Variants in OPCML observed in about 807,000 individuals in gnomAD.
OPCML encodes the protein opioid-binding protein/cell adhesion molecule.
OPCML carries 13 observed loss-of-function variants against 37.8 expected under a neutral mutation model. The observed-to-expected ratio is 0.34, with a 90% CI of 0.22 to 0.55. The LOEUF (loss-of-function observed/expected upper bound fraction) is 0.55, where lower values mean the gene tolerates loss of function less well. OPCML is among the 20% of genes least tolerant of loss of function. The probability of loss-of-function intolerance (pLI) is 0.91; values close to 1 mark genes in which losing one functional copy is unlikely to be tolerated. For synonymous variants in OPCML, 176 were observed against 168.8 expected, an observed-to-expected ratio of 1.04 and a Z score of -0.33; for missense variants, 341 against 435.6, an observed-to-expected ratio of 0.78 and a Z score of 1.93.
chr11:133,346,504 G>A (rs1381048036), intron 1 of OPCML, among the ~76,000 whole-genome samples: 1 of 152,234 alleles, frequency 6.6e-6, no homozygotes, highest in Non-Finnish European at 1.5e-5. Flanking sequence ...ATTTTGAAAT[G>A]TACCCTACTG....
intron 4 of OPCML, among the ~76,000 whole-genome samples, chr11:132,457,272 A>G (rs892266322): frequency 2.6e-5 from 4 of 152,210 alleles, no homozygotes; most frequent in Non-Finnish European, 4.4e-5. Context: ...GGCCTTGAAC[A>G]CAGTCGTAGG....
chr11:133,042,209 C>T (rs1427000761), intron 1 of OPCML, among the ~76,000 whole-genome samples: 3 of 152,216 alleles, frequency 2.0e-5, no homozygotes, highest in Admixed American at 6.5e-5. Context: ...CCGAGGGCCT[C>T]GCCCACGTGG....
At chr11:132,434,296 T>C (rs2096006425) in intron 7 of OPCML, among the ~76,000 whole-genome samples, 1 of 152,196 alleles carries the variant, frequency 6.6e-6, no homozygotes, top group African/African-American at 2.4e-5. Context: ...TCTAGAAAAT[T>C]CAAATGTCAT....
chr11:132,455,279 A>G (rs918077232), intron 4 of OPCML, among the ~76,000 whole-genome samples: 1 of 152,184 alleles, frequency 6.6e-6, no homozygotes, highest in African/African-American at 2.4e-5. Flanking sequence ...AGAGATGCCA[A>G]CTGGCTGCTT....
At chr11:132,570,147 G>A (rs2096433945) in intron 3 of OPCML, among the ~76,000 whole-genome samples, 1 of 152,106 alleles carries the variant, frequency 6.6e-6, no homozygotes, top group Admixed American at 6.6e-5. Flanking sequence ...TATGCCACAG[G>A]CCAAATCTGG....
intron 1 of OPCML, among the ~76,000 whole-genome samples, chr11:133,519,036 G>A (rs1022402460): frequency 2.6e-5 from 4 of 152,092 alleles, no homozygotes; most frequent in Non-Finnish European, 5.9e-5. Flanking sequence ...GGAACATCCT[G>A]AGGGCTCAGG....
chr11:132,497,765 G>A (rs2096236034), intron 4 of OPCML, among the ~76,000 whole-genome samples: 1 of 152,186 alleles, frequency 6.6e-6, no homozygotes, highest in South Asian at 2.1e-4. Context: ...GGCACTCAAT[G>A]TTTCAGACCA....
chr11:132,574,371 T>C (rs1290685324), intron 3 of OPCML, among the ~76,000 whole-genome samples: 1 of 151,466 alleles, frequency 6.6e-6, no homozygotes, highest in Non-Finnish European at 1.5e-5. Context: ...ATCTTCCTTC[T>C]TGTTTTTAGT....
Position 133,212,025 on chromosome 11 carries a change from C to G in OPCML, c.62-269015G>C, listed in dbSNP as rs1939381792. ...CAGCCTGATAGCAGATTGACCGTGC[C>G]AGCTGTCACTTTTACAATCTCCATC... On this transcript the variant is annotated intron_variant, in intron 1 of 7. Transcript: ENST00000524381. The surrounding 1 kb of genome is among the most constrained non-coding windows in gnomAD (Gnocchi z 4.9). Among the ~76,000 whole-genome samples the G allele has an allele frequency of 6.6e-6, 1 of 152,036 alleles. No homozygotes were observed. Among genetic ancestry groups the G allele is most frequent in the Non-Finnish European group, 1.5e-5 (1 of 68,032 alleles).
At chr11:132,960,894 C>A (rs1946078878) in intron 1 of OPCML, among the ~76,000 whole-genome samples, 1 of 152,142 alleles carries the variant, frequency 6.6e-6, no homozygotes, top group African/African-American at 2.4e-5. Context: ...AGCTGGACAA[C>A]CTTGTAACTG....
chr11:132,843,092 C>CTTTTTTTTT (rs56036372), intron 2 of OPCML, among the ~76,000 whole-genome samples: 1 of 123,334 alleles, frequency 8.1e-6, no homozygotes, highest in Non-Finnish European at 1.6e-5. Flanking sequence ...CTTTTTCTTT[C>CTTTTTTTTT]TTTTTTTTTT....
chr11:132,423,472 C>T (rs2095967046), intron 7 of OPCML, among the ~76,000 whole-genome samples: 1 of 152,196 alleles, frequency 6.6e-6, no homozygotes, highest in Non-Finnish European at 1.5e-5. Flanking sequence ...GAGGGCTCTG[C>T]CGGAGGGCTC....
intron 3 of OPCML, among the ~76,000 whole-genome samples, chr11:132,563,053 C>G (rs1225258091): frequency 6.6e-6 from 1 of 152,172 alleles, no homozygotes; most frequent in Non-Finnish European, 1.5e-5. Flanking sequence ...ATCTACCTCT[C>G]CTCTTCAGTG....
At chr11:132,475,650 T>C (rs1007335150) in intron 4 of OPCML, among the ~76,000 whole-genome samples, 1 of 151,970 alleles carries the variant, frequency 6.6e-6, no homozygotes, top group Admixed American at 6.6e-5. Flanking sequence ...AAACCAGGCC[T>C]GCATGCGCCT....
At chr11:133,462,040 T>C (rs556620935) in intron 1 of OPCML, among the ~76,000 whole-genome samples, 54 of 152,054 alleles carry the variant, frequency 3.6e-4, no homozygotes, top group African/African-American at 1.3e-3. Context: ...AATATAGTCT[T>C]TTCAATAAAA....
intron 1 of OPCML, among the ~76,000 whole-genome samples, chr11:133,510,903 G>T (rs199794098): frequency 6.8e-6 from 1 of 147,434 alleles, no homozygotes; most frequent in Non-Finnish European, 1.5e-5. Context: ...ACACACACAC[G>T]CACACACACA....
At chr11:133,136,059 A>G (rs1291792147) in intron 1 of OPCML, among the ~76,000 whole-genome samples, 1 of 152,210 alleles carries the variant, frequency 6.6e-6, no homozygotes, top group Non-Finnish European at 1.5e-5. Flanking sequence ...AGACCTAAGA[A>G]TCTAGCTATT....
chr11:132,884,638 T>A (rs1943341261), intron 2 of OPCML, among the ~76,000 whole-genome samples: 1 of 152,236 alleles, frequency 6.6e-6, no homozygotes, highest in African/African-American at 2.4e-5. Flanking sequence ...TTTGGTTTAC[T>A]GAGATGAAAA....
intron 7 of OPCML, among the ~76,000 whole-genome samples, chr11:132,429,933 T>C (rs1039588559): frequency 6.6e-6 from 1 of 151,828 alleles, no homozygotes; most frequent in Non-Finnish European, 1.5e-5. Flanking sequence ...CCGGAGGAGC[T>C]AGAAGCAGAC....
Sources: gnomAD v4.1 joint callset for allele counts (sites outside exome capture counted in the v4.1 genomes callset) on GRCh38, gnomAD v4.1.1 for gene constraint, Gnocchi (gnomAD v3.1) non-coding constraint, MANE v1.5 for transcripts, NCBI Gene and HGNC (gene_info 2026-07-23, HGNC 2026-07-21) for gene names.